AGMO: variants seen among roughly 807,000 people sequenced by gnomAD.
The protein encoded by AGMO is alkylglycerol monooxygenase.
AGMO carries 75 observed loss-of-function variants against 60.2 expected under a neutral mutation model. The observed-to-expected ratio is 1.25, with a 90% CI of 1.03 to 1.51. AGMO has a LOEUF of 1.51. Among genes scored for constraint, AGMO ranks in the 40% most tolerant of loss-of-function variants. AGMO has a pLI of 0.00. For synonymous variants in AGMO, 261 were observed against 177.1 expected, an observed-to-expected ratio of 1.47 and a Z score of -3.76; for missense variants, 763 against 525.5, an observed-to-expected ratio of 1.45 and a Z score of -4.42.
In AGMO at chr7:15,493,365, C is replaced by CTTTT. The variant is rs71004387; in HGVS notation, c.409+51403_409+51406dup. On this transcript the variant is annotated intron_variant, in intron 3 of 12. Transcript: ENST00000342526. The stretch of plus-strand genomic sequence containing the variant: ...CACACACACACACACACACACACTT[C>CTTTT]TTTTTTTTTTTTTTTTTTTTTTTTT... 4.5e-4 allele frequency among the ~76,000 whole-genome samples: 30 copies of CTTTT among 66,654 alleles called. 3 individuals carry two copies. The highest frequency in any genetic ancestry group is 9.3e-4 in the African/African-American group (14 of 15,078). 43.7% of individuals were successfully genotyped at this position (66,654 alleles called of 152,430 possible). A position where few individuals can be genotyped will look rare whatever the true frequency, so the allele number is the denominator to read the frequency against.
chr7:15,162,087 G>A, the AGMO span, among the ~76,000 whole-genome samples: 3 of 151,938 alleles, frequency 2.0e-5, no homozygotes, highest in African/African-American at 7.2e-5. Context: ...GAGATCTGAT[G>A]GTTTTAAAAA....
At chr7:15,117,828 G>A in the AGMO span, among the ~76,000 whole-genome samples, 5 of 151,968 alleles carry the variant, frequency 3.3e-5, no homozygotes, top group African/African-American at 7.2e-5. Context: ...AAGGGTACAG[G>A]AGAGGAGAAT....
At chr7:15,355,690 C>G (rs563350157) in intron 12 of AGMO, among the ~76,000 whole-genome samples, 1 of 151,848 alleles carries the variant, frequency 6.6e-6, no homozygotes, top group Admixed American at 6.6e-5. Context: ...AAATTGATGT[C>G]TATCTGAATT....
the AGMO span, among the ~76,000 whole-genome samples, chr7:15,144,421 A>G: frequency 6.6e-6 from 1 of 152,218 alleles, no homozygotes. Context: ...AATAGTAATT[A>G]AATACCTCAA....
chr7:15,372,918 A>T (rs10215989), intron 10 of AGMO, among the ~76,000 whole-genome samples: 65,478 of 152,016 alleles, frequency 0.43, 14,813 homozygotes, highest in African/African-American at 0.57. Context: ...AAAGATCATA[A>T]CCATAAATAG....
intron 12 of AGMO, among the ~76,000 whole-genome samples, chr7:15,286,708 C>G (rs1210069489): frequency 6.6e-6 from 1 of 152,096 alleles, no homozygotes; most frequent in Non-Finnish European, 1.5e-5. Context: ...TTGTATCCAG[C>G]AATCCCACTA....
intron 2 of AGMO, among the ~76,000 whole-genome samples, chr7:15,552,555 A>C (rs562263136): frequency 0.12 from 17,411 of 147,910 alleles, 1,310 homozygotes; most frequent in South Asian, 0.24. Context: ...ATGCAGCCAA[A>C]AAACACATGA....
intron 12 of AGMO, among the ~76,000 whole-genome samples, chr7:15,247,418 A>T (rs1433386404): frequency 2.0e-4 from 12 of 60,184 alleles, no homozygotes; most frequent in Non-Finnish European, 3.2e-4. Context: ...GAGATTTCAC[A>T]CACACACACA....
chr7:15,484,088 T>C (rs893665129), intron 3 of AGMO, among the ~76,000 whole-genome samples: 1 of 152,130 alleles, frequency 6.6e-6, no homozygotes, highest in Non-Finnish European at 1.5e-5. Context: ...ATAGTTCTAA[T>C]ATACGAAGAT....
At chr7:15,312,547 G>A (rs1204097917) in intron 12 of AGMO, among the ~76,000 whole-genome samples, 1 of 151,042 alleles carries the variant, frequency 6.6e-6, no homozygotes, top group Non-Finnish European at 1.5e-5. Flanking sequence ...CGGGGGCGGT[G>A]GGGGGAGGTT....
intron 6 of AGMO, 107 bp from the exon 7 acceptor site, chr7:15,391,012 G>A (rs910583155): frequency 2.8e-5 from 19 of 673,160 alleles, no homozygotes; most frequent in Non-Finnish European, 4.7e-5. Context: ...GATTTAAACA[G>A]GGTACAATTT....
At chr7:15,226,583 G>T (rs1010301612) in intron 12 of AGMO, among the ~76,000 whole-genome samples, 1 of 152,194 alleles carries the variant, frequency 6.6e-6, no homozygotes, top group Middle Eastern at 3.4e-3. Flanking sequence ...TATGGGGTTA[G>T]AAGTACTGTT....
chr7:15,429,807 G>C (rs552146967), intron 4 of AGMO, among the ~76,000 whole-genome samples: 3 of 151,946 alleles, frequency 2.0e-5, no homozygotes, highest in Non-Finnish European at 2.9e-5. Flanking sequence ...CAAGTACTTG[G>C]CTTTATCATT....
intron 4 of AGMO, among the ~76,000 whole-genome samples, chr7:15,427,256 T>G (rs2128497070): frequency 6.6e-6 from 1 of 152,302 alleles, no homozygotes; most frequent in Admixed American, 6.5e-5. Flanking sequence ...CACGTACACA[T>G]GCACGTGTAG....
chr7:15,501,088 T>C (rs186794213), intron 3 of AGMO, among the ~76,000 whole-genome samples: 5 of 152,148 alleles, frequency 3.3e-5, no homozygotes, highest in Admixed American at 1.3e-4. Flanking sequence ...TATTAAATAT[T>C]GTTTTATGTC....
intron 12 of AGMO, among the ~76,000 whole-genome samples, chr7:15,205,071 A>G (rs982418821): frequency 2.0e-5 from 3 of 152,192 alleles, no homozygotes; most frequent in Non-Finnish European, 4.4e-5. Flanking sequence ...AGGAGAGAGA[A>G]TAGTGTGCTT....
At chr7:15,409,706 G>A (rs1276347264) in intron 5 of AGMO, among the ~76,000 whole-genome samples, 6 of 151,818 alleles carry the variant, frequency 4.0e-5, no homozygotes, top group African/African-American at 1.2e-4. Context: ...TTGCTTGCAC[G>A]TACTGGATGC....
intron 12 of AGMO, among the ~76,000 whole-genome samples, chr7:15,277,685 A>G (rs1346520342): frequency 6.6e-6 from 1 of 152,224 alleles, no homozygotes; most frequent in Admixed American, 6.5e-5. Context: ...AGGCTAATAA[A>G]TGGCAATTAC....
At chr7:15,125,900 A>G in the AGMO span, among the ~76,000 whole-genome samples, 6 of 152,158 alleles carry the variant, frequency 3.9e-5, no homozygotes, top group African/African-American at 1.4e-4. Context: ...TCCTACATTT[A>G]AAAATCATTG....
Sources: gnomAD v4.1 joint callset for allele counts (sites outside exome capture counted in the v4.1 genomes callset) on GRCh38, gnomAD v4.1.1 for gene constraint, MANE v1.5 for transcripts, NCBI Gene and HGNC (gene_info 2026-07-23, HGNC 2026-07-21) for gene names.